C1D: variants seen among roughly 807,000 people sequenced by gnomAD.
C1D encodes nuclear nucleic acid-binding protein C1D.
C1D carries 10 observed loss-of-function variants against 17.5 expected under a neutral mutation model. The observed-to-expected ratio is 0.57, with a 90% CI of 0.35 to 0.97. The LOEUF is 0.97. C1D is among the 50% of genes least tolerant of loss of function. The pLI, the probability that C1D is intolerant of heterozygous loss-of-function variation, is 0.01. For missense variants in C1D, 136 were observed against 160.1 expected (o/e 0.85, Z 0.81); for synonymous variants, 49 against 54.0 (o/e 0.91, Z 0.40).
At position 68,047,266 on chromosome 2, in the gene C1D, G is replaced by T; in HGVS notation, c.45C>A (p.His15Gln). 1 of 1,612,330 alleles carries T rather than the reference G, an allele frequency of 6.2e-7. No individual in the cohort carries two copies. Among genetic ancestry groups the T allele is most frequent in the Middle Eastern group, 1.7e-4 (1 of 5,988 alleles). ...EINEDYPVEI[H>Q]EYLSAFENSI... is the part of the protein sequence containing the mutation. ...AATTCTCAAACGCTGACAAATACTC[G>T]TGAATTTCTACTGGATAGTCTTCAT... is the stretch of plus-strand genomic sequence containing the variant. Residue 15 changes from histidine to glutamine, a missense_variant, in exon 2 of 5, where the codon CAC becomes CAA. His to Gln is a conservative substitution (Grantham distance 24). Transcript: ENST00000410067.
intron 1 of C1D, among the ~76,000 whole-genome samples, chr2:68,062,392 T>G (rs1302994838): frequency 6.6e-6 from 1 of 152,196 alleles, no homozygotes; most frequent in Admixed American, 6.5e-5. Context: ...TACACTGAAC[T>G]TATCCGGGTC....
chr2:68,053,216 G>C (rs1671339355), intron 1 of C1D: 3 of 1,547,948 alleles, frequency 1.9e-6, no homozygotes, highest in Middle Eastern at 1.7e-4. Context: ...GGCTGAGACT[G>C]AGTACCTGGG....
At chr2:68,060,896 G>C (rs181483609) in intron 1 of C1D, among the ~76,000 whole-genome samples, 5 of 152,198 alleles carry the variant, frequency 3.3e-5, no homozygotes, top group Admixed American at 3.3e-4. Flanking sequence ...GTATTAGTTA[G>C]TTAGCAACTA....
intron 1 of C1D, 49 bp from the exon 2 acceptor site, chr2:68,047,368 C>T: frequency 1.4e-6 from 2 of 1,450,152 alleles, no homozygotes; most frequent in South Asian, 1.4e-5. Flanking sequence ...AGAGCTTGTT[C>T]TTTAGTTTCC....
chr2:68,044,358 G>T (rs1671056297), intron 4 of C1D, among the ~76,000 whole-genome samples: 1 of 152,186 alleles, frequency 6.6e-6, no homozygotes, highest in Non-Finnish European at 1.5e-5. Flanking sequence ...TTTCCCATTT[G>T]TGATACATAC....
intron 1 of C1D, among the ~76,000 whole-genome samples, chr2:68,052,455 A>C (rs1020516716): frequency 4.1e-4 from 63 of 152,328 alleles, no homozygotes; most frequent in African/African-American, 1.4e-3. Context: ...TTAAAAAACA[A>C]AAAAAGGTCT....
chr2:68,041,272 C>T lies in C1D; in HGVS notation c.*1617G>A, dbSNP rs1670951692. The T allele has an allele frequency of 6.6e-6, 1 of 151,996 alleles. No individual in the cohort carries two copies. Among genetic ancestry groups the T allele is most frequent in the Non-Finnish European group, 1.5e-5 (1 of 67,866 alleles). 9.4% of individuals were successfully genotyped at this position (151,996 alleles called of 1,614,324 possible). A position where few individuals can be genotyped will look rare whatever the true frequency, so the allele number is the denominator to read the frequency against. ...CACAATTTAACAGAACGTAGAGGTG[C>T]ACTTTCATAAACCAATAACTTAGCT... On this transcript the variant is annotated 3_prime_UTR_variant, in exon 5 of 5. Coordinates refer to ENST00000410067, the MANE Select transcript of C1D (RefSeq NM_173177.3).
chr2:68,058,610 G>A (rs1489928386), intron 1 of C1D, among the ~76,000 whole-genome samples: 1 of 152,148 alleles, frequency 6.6e-6, no homozygotes, highest in Non-Finnish European at 1.5e-5. Context: ...ATCGAATGGA[G>A]GAGGAACATC....
intron 1 of C1D, among the ~76,000 whole-genome samples, chr2:68,052,887 C>G (rs894803352): frequency 1.3e-5 from 2 of 152,098 alleles, no homozygotes; most frequent in African/African-American, 4.8e-5. Flanking sequence ...AGTGACTCTA[C>G]GATATCAGCA....
chr2:68,052,756 T>C (rs1253007303), intron 1 of C1D, among the ~76,000 whole-genome samples: 2 of 152,212 alleles, frequency 1.3e-5, no homozygotes, highest in Non-Finnish European at 2.9e-5. Context: ...AAATTCCTCC[T>C]AATTCAATTG....
intron 4 of C1D, among the ~76,000 whole-genome samples, chr2:68,044,810 T>A (rs1671071661): frequency 6.6e-6 from 1 of 152,180 alleles, no homozygotes. Flanking sequence ...CAAAAGTAGA[T>A]TCTGAGGTAG....
chr2:68,058,480 G>A (rs897308501), intron 1 of C1D, among the ~76,000 whole-genome samples: 2 of 152,176 alleles, frequency 1.3e-5, no homozygotes, highest in Admixed American at 6.5e-5. Flanking sequence ...TGTAGTGCGG[G>A]CAGAGAGAGT....
At position 68,050,303 on chromosome 2, in the gene C1D, A is replaced by C. The variant is rs146350758; in HGVS notation, c.-9-2984T>G. Among the ~76,000 whole-genome samples, 764 of 151,928 alleles carry C rather than the reference A, an allele frequency of 5.0e-3. 21 individuals carry two copies. The highest frequency in any genetic ancestry group is 0.039 in the Admixed American group (589 of 15,262). Reference sequence around the variant, plus strand: ...ATTTCTCCATCTAAGAAAGAAACAAAAAAAAAAAAAATTTCTTGACTTCAT... The same window carrying C: ...ATTTCTCCATCTAAGAAAGAAACAACAAAAAAAAAAATTTCTTGACTTCAT... On this transcript the variant is annotated intron_variant, in intron 1 of 4. Transcript: ENST00000410067.
At chr2:68,043,641 G>A (rs183503730) in intron 4 of C1D, among the ~76,000 whole-genome samples, 63 of 152,180 alleles carry the variant, frequency 4.1e-4, no homozygotes, top group African/African-American at 1.4e-3. Context: ...TACAGGGTGA[G>A]AAACATAATA....
At chr2:68,052,888 G>A (rs1671330593) in intron 1 of C1D, among the ~76,000 whole-genome samples, 1 of 152,052 alleles carries the variant, frequency 6.6e-6, no homozygotes, top group Admixed American at 6.5e-5. Context: ...GTGACTCTAC[G>A]ATATCAGCAG....
At chr2:68,061,920 A>G (rs1174365070) in intron 1 of C1D, among the ~76,000 whole-genome samples, 1 of 152,252 alleles carries the variant, frequency 6.6e-6, no homozygotes, top group Non-Finnish European at 1.5e-5. Flanking sequence ...AAAAACCGTT[A>G]TTCACACTTG....
intron 2 of C1D, 55 bp downstream of exon 2, chr2:68,047,118 A>C: frequency 6.7e-7 from 1 of 1,496,884 alleles, no homozygotes; most frequent in Non-Finnish European, 9.1e-7. Context: ...ATGTTTCATA[A>C]AATAGCATTC....
chr2:68,045,809 G>A (rs1422079131), intron 4 of C1D, among the ~76,000 whole-genome samples, 179 bp downstream of exon 4: 1 of 151,594 alleles, frequency 6.6e-6, no homozygotes, highest in Non-Finnish European at 1.5e-5. Context: ...TATAATATAT[G>A]GAATACCAAT....
chr2:68,047,351 TAG>T, intron 1 of C1D, 32 bp from the exon 2 acceptor site: 1 of 1,568,848 alleles, frequency 6.4e-7, no homozygotes, highest in Non-Finnish European at 8.7e-7. Context: ...GAATTCATAT[TAG>T]AGACAGAGCT....
Sources: allele counts gnomAD v4.1 joint callset (sites outside exome capture counted in the v4.1 genomes callset), GRCh38; gene constraint gnomAD v4.1.1; transcripts MANE v1.5; gene names NCBI Gene and HGNC (gene_info 2026-07-23, HGNC 2026-07-21).